The following WAPL variants were observed in gnomAD, a reference collection of about 807,000 sequenced individuals.
WAPL encodes wings apart-like protein homolog.
WAPL carries 5 observed loss-of-function variants against 121.0 expected under a neutral mutation model. The ratio of observed to expected loss-of-function variants is 0.04; its 90% CI spans 0.02 to 0.09. The LOEUF (loss-of-function observed/expected upper bound fraction) is 0.09. Ranked by LOEUF, WAPL falls within the 10% of genes least tolerant of loss-of-function variation. The pLI, the probability that WAPL is intolerant of heterozygous loss-of-function variation, is 1.00. For synonymous variants in WAPL, 480 were observed against 481.5 expected, an observed-to-expected ratio of 1.00 and a Z score of 0.04; for missense variants, 999 against 1,410.8, an observed-to-expected ratio of 0.71 and a Z score of 4.68.
chr10:86,480,036 T>C (rs1164201639), intron 4 of WAPL, among the ~76,000 whole-genome samples: 2 of 152,194 alleles, frequency 1.3e-5, no homozygotes, highest in African/African-American at 4.8e-5. Flanking sequence ...TATTGAATTA[T>C]TTGAAGGAAG....
chr10:86,489,017 G>A (rs1377651598), intron 4 of WAPL, among the ~76,000 whole-genome samples: 2 of 152,226 alleles, frequency 1.3e-5, no homozygotes, highest in Non-Finnish European at 2.9e-5. Context: ...CACCTGATGT[G>A]ATGCAGCAAG....
intron 2 of WAPL, among the ~76,000 whole-genome samples, chr10:86,511,860 G>A (rs1257096097): frequency 6.6e-6 from 1 of 151,992 alleles, no homozygotes; most frequent in Non-Finnish European, 1.5e-5. Flanking sequence ...CAGCCCAGGA[G>A]GTAGAACCTG....
At chr10:86,516,443 A>G (rs1303859295) in intron 2 of WAPL, among the ~76,000 whole-genome samples, 2 of 152,212 alleles carry the variant, frequency 1.3e-5, no homozygotes, top group South Asian at 2.1e-4. Context: ...AATTCAGTAC[A>G]GCCAAGTTTT....
intron 1 of WAPL, among the ~76,000 whole-genome samples, chr10:86,519,924 A>G (rs185541300): frequency 1.6e-4 from 24 of 152,360 alleles, no homozygotes; most frequent in Admixed American, 1.4e-3. Flanking sequence ...ATAACCACAA[A>G]GCATTCACTG....
intron 4 of WAPL, among the ~76,000 whole-genome samples, chr10:86,488,917 A>T (rs1449631557): frequency 6.6e-6 from 1 of 152,240 alleles, no homozygotes; most frequent in Non-Finnish European, 1.5e-5. Flanking sequence ...GGTGAAGTCT[A>T]ATGAGGAAAG....
intron 2 of WAPL, among the ~76,000 whole-genome samples, chr10:86,508,892 A>C (rs1842403193): frequency 6.6e-6 from 1 of 150,894 alleles, no homozygotes; most frequent in Non-Finnish European, 1.5e-5. Flanking sequence ...AGTAACTGGG[A>C]CTACAGGCGC....
intron 11 of WAPL, among the ~76,000 whole-genome samples, chr10:86,459,777 C>CA (rs1412883019): frequency 6.6e-6 from 1 of 152,144 alleles, no homozygotes; most frequent in Admixed American, 6.5e-5. Context: ...TTGTTATCTA[C>CA]AAACAATGTA....
At chr10:86,457,886 G>A (rs1025159773) in intron 12 of WAPL, among the ~76,000 whole-genome samples, 9 of 152,126 alleles carry the variant, frequency 5.9e-5, no homozygotes, top group African/African-American at 1.7e-4. Flanking sequence ...TAGGCATTAT[G>A]TACTTAAGTA....
chr10:86,490,977 C>T (rs1842034001), intron 4 of WAPL, among the ~76,000 whole-genome samples: 1 of 151,362 alleles, frequency 6.6e-6, no homozygotes, highest in African/African-American at 2.4e-5. Context: ...GCAGGAGAAG[C>T]ACTTGAACCC....
intron 16 of WAPL, chr10:86,443,684 TA>T: frequency 8.6e-6 from 2 of 231,594 alleles, no homozygotes; most frequent in South Asian, 9.5e-5. Context: ...CCAGAACATA[TA>T]AAAAACATTC....
chr10:86,500,071 T>G lies in WAPL; in HGVS notation c.1172A>C (p.Asp391Ala). 6.2e-7 allele frequency: 1 copy of G among 1,614,160 alleles called. No homozygotes were observed. Among genetic ancestry groups the G allele is most frequent in the East Asian group, 2.2e-5 (1 of 44,884 alleles). Reference sequence around the variant, plus strand: ...TCTGAGACGACCAGCTTCTCCCAAATCTGCAGGAGTGGATGCAGTGAACTC... The same window carrying G: ...TCTGAGACGACCAGCTTCTCCCAAAGCTGCAGGAGTGGATGCAGTGAACTC... ...MDEFTASTPA[D>A]LGEAGRLRKK... is the part of the protein sequence containing the mutation. Residue 391 changes from aspartate to alanine, a missense_variant, in exon 3 of 19, where the codon GAT (aspartate) becomes GCT (alanine). Physicochemically the swap from Asp to Ala is moderately radical, Grantham distance 126 (BLOSUM62 -2). Around this residue, in one of 7 missense-constraint regions of WAPL, gnomAD observed 531 missense variants for 563.1 expected, o/e 0.94. Coordinates refer to ENST00000298767, the MANE Select transcript of WAPL (RefSeq NM_015045.5).
At chr10:86,464,747 A>C (rs927415254) in intron 9 of WAPL, among the ~76,000 whole-genome samples, 1 of 152,164 alleles carries the variant, frequency 6.6e-6, no homozygotes, top group Non-Finnish European at 1.5e-5. Context: ...GATGCATGAG[A>C]ATCATTTGAA....
At position 86,472,712 on chromosome 10, in the gene WAPL, G is replaced by A; in HGVS notation, c.1793C>T (p.Ala598Val). Residue 598 changes from alanine (A) to valine (V), a missense_variant, in exon 6 of 19, where the codon GCT becomes GTT. By Grantham distance (64) the Ala-to-Val change is moderately conservative (BLOSUM62 0). Coordinates refer to ENST00000298767, the MANE Select transcript of WAPL (RefSeq NM_015045.5). The surrounding 1 kb of genome is among the most constrained non-coding windows in gnomAD (Gnocchi z 4.2). ...PNQKDDGVFK[A>V]PAPPSKVIKT... ...TATCACTTTGGATGGTGGTGCAGGAGCCTTAAAAACTCCATCATCTTTTTG... is the reference window on the plus strand; with the variant it reads ...TATCACTTTGGATGGTGGTGCAGGAACCTTAAAAACTCCATCATCTTTTTG... 6.2e-7 allele frequency: 1 copy of A among 1,613,766 alleles called. No homozygotes were observed. The highest frequency in any genetic ancestry group is 8.5e-7 in the Non-Finnish European group (1 of 1,179,848).
In WAPL at chr10:86,452,099, A is replaced by G. The variant is rs1225421176; in HGVS notation, c.2982T>C (p.Tyr994=). 4 of 1,614,048 alleles carry G rather than the reference A, an allele frequency of 2.5e-6. No homozygotes were observed. In the South Asian group the frequency reaches 3.3e-5, roughly 13 times the overall value. ...GLGLLINLVE[Y]SARNRHCLVN... is the part of the protein sequence containing the mutation. ...CAAGACAGTGCCGATTCCGAGCACT[A>G]TACTCCACTAGATTTATCAGCAGAC... The change falls in exon 15 of 19, where the codon TAT becomes TAC. Residue 994 remains tyrosine, a synonymous_variant. Transcript: ENST00000298767.
At chr10:86,487,752 G>C (rs1041658774) in intron 4 of WAPL, among the ~76,000 whole-genome samples, 1 of 152,054 alleles carries the variant, frequency 6.6e-6, no homozygotes, top group Non-Finnish European at 1.5e-5. Context: ...AAAATTAGCC[G>C]GGCATGGTGG....
chr10:86,439,752 A>G (rs1295034455), intron 17 of WAPL, among the ~76,000 whole-genome samples: 2 of 152,198 alleles, frequency 1.3e-5, no homozygotes, highest in Admixed American at 1.3e-4. Flanking sequence ...AGTGCTCTGA[A>G]GTAAGTTAGC....
chr10:86,485,636 G>C (rs1258861497), intron 4 of WAPL, among the ~76,000 whole-genome samples: 3 of 152,100 alleles, frequency 2.0e-5, no homozygotes, highest in Admixed American at 2.0e-4. Context: ...GGATCACAGA[G>C]AGAAAATAAT....
chr10:86,469,781 T>C (rs935782919), intron 8 of WAPL, among the ~76,000 whole-genome samples: 7 of 152,178 alleles, frequency 4.6e-5, no homozygotes, highest in Non-Finnish European at 7.3e-5. Flanking sequence ...CAGCAAATTA[T>C]TTTTGGAAAT....
At chr10:86,482,449 T>C (rs74729121) in intron 4 of WAPL, among the ~76,000 whole-genome samples, 215 of 152,364 alleles carry the variant, frequency 1.4e-3, no homozygotes, top group East Asian at 9.6e-3. Flanking sequence ...CTATGCCCGT[T>C]TGCTAAAAGC....
Sources: gnomAD v4.1 joint callset for allele counts (sites outside exome capture counted in the v4.1 genomes callset) on GRCh38, gnomAD v4.1.1 for gene constraint, gnomAD v4.1.1 regional missense constraint, Gnocchi (gnomAD v3.1) non-coding constraint, MANE v1.5 for transcripts, NCBI Gene and HGNC (gene_info 2026-07-23, HGNC 2026-07-21) for gene names.